The following DAB1 variants were observed in gnomAD, a reference collection of about 807,000 sequenced individuals.
The protein encoded by DAB1 is DAB adaptor protein 1, also known as disabled homolog 1.
In DAB1, 15 loss-of-function variants were observed where a neutral mutation model predicts 64.6. That is an observed-to-expected ratio of 0.23 (90% confidence interval 0.16 to 0.36). DAB1 has a LOEUF of 0.36. DAB1 is among the 10% of genes least tolerant of loss of function. DAB1 has a pLI of 1.00. For synonymous variants in DAB1, 235 were observed against 251.9 expected, an observed-to-expected ratio of 0.93 and a Z score of 0.64; for missense variants, 596 against 706.7, an observed-to-expected ratio of 0.84 and a Z score of 1.78.
upstream of DAB1, among the ~76,000 whole-genome samples, chr1:57,427,982 A>G (rs71642122): frequency 0.032 from 4,947 of 152,222 alleles, 88 homozygotes; most frequent in South Asian, 0.057. Flanking sequence ...AGCCTGACCA[A>G]CATGGTGAAA....
chr1:58,028,032 T>G (rs1570246822), intron 5 of DAB1, among the ~76,000 whole-genome samples: 1 of 152,238 alleles, frequency 6.6e-6, no homozygotes, highest in Non-Finnish European at 1.5e-5. Flanking sequence ...GGTAGCTCAT[T>G]TCTCTGAGCT....
intron 2 of DAB1, among the ~76,000 whole-genome samples, chr1:57,289,501 A>G (rs1672593473): frequency 6.6e-6 from 1 of 152,190 alleles, no homozygotes; most frequent in Non-Finnish European, 1.5e-5. Flanking sequence ...CAAGGTTTAC[A>G]TTAATTTTTA....
intron 1 of DAB1, chr1:58,533,935 T>A: frequency 1.2e-6 from 1 of 868,884 alleles, no homozygotes; most frequent in Non-Finnish European, 2.0e-6. Context: ...AACCTGAACA[T>A]TCATTTTAGG....
chr1:58,267,855 A>G (rs1569583817), intron 4 of DAB1, among the ~76,000 whole-genome samples: 1 of 152,212 alleles, frequency 6.6e-6, no homozygotes, highest in African/African-American at 2.4e-5. Context: ...CATCTGTTCC[A>G]AGAAACCTTG....
intron 5 of DAB1, among the ~76,000 whole-genome samples, chr1:58,064,986 A>G (rs558307459): frequency 2.6e-5 from 4 of 152,280 alleles, no homozygotes; most frequent in African/African-American, 9.6e-5. Flanking sequence ...CTGGGATTAC[A>G]AGCGTGAGCC....
At chr1:58,007,776 A>T (rs10157083) in intron 5 of DAB1, among the ~76,000 whole-genome samples, 20,032 of 152,150 alleles carry the variant, frequency 0.13, 1,538 homozygotes, top group East Asian at 0.21. Context: ...CTCCCAATGG[A>T]TCTAAATGAA....
chr1:58,165,724 G>A (rs1265124359), intron 4 of DAB1, among the ~76,000 whole-genome samples: 1 of 152,164 alleles, frequency 6.6e-6, no homozygotes, highest in Non-Finnish European at 1.5e-5. Flanking sequence ...AAATCCCAGA[G>A]TGGGCAGAGG....
At chr1:58,440,009 C>A (rs1644990308) in intron 3 of DAB1, among the ~76,000 whole-genome samples, 1 of 152,176 alleles carries the variant, frequency 6.6e-6, no homozygotes, top group Non-Finnish European at 1.5e-5. Context: ...CCTGGGAGAT[C>A]CTTGTCTTCC....
intron 5 of DAB1, among the ~76,000 whole-genome samples, chr1:57,933,355 T>C (rs905771687): frequency 6.8e-4 from 104 of 152,322 alleles, no homozygotes; most frequent in African/African-American, 2.3e-3. Flanking sequence ...TTGTTCAGCT[T>C]TTTACTTGTT....
intron 5 of DAB1, chr1:58,056,009 A>T: frequency 2.8e-6 from 2 of 717,726 alleles, no homozygotes; most frequent in Non-Finnish European, 2.4e-6. Context: ...CAGTGCTAAA[A>T]TTCCAGGTGT....
At chr1:58,121,873 CCTT>C (rs995778795) in intron 5 of DAB1, among the ~76,000 whole-genome samples, 53 of 152,232 alleles carry the variant, frequency 3.5e-4, no homozygotes, top group Middle Eastern at 3.4e-3. Context: ...CCTTTCCTTG[CCTT>C]CTTAAGTAGA....
At chr1:57,421,817 A>G (rs1488795078) in intron 1 of DAB1, among the ~76,000 whole-genome samples, 2 of 150,334 alleles carry the variant, frequency 1.3e-5, no homozygotes, top group Non-Finnish European at 3.0e-5. Flanking sequence ...CTCAATAGGA[A>G]ATCAAGAAAA....
intron 3 of DAB1, among the ~76,000 whole-genome samples, chr1:58,427,598 T>G (rs1411505233): frequency 6.6e-6 from 1 of 152,142 alleles, no homozygotes; most frequent in Non-Finnish European, 1.5e-5. Context: ...TGCTGGATTT[T>G]GGGTGTGAAA....
chr1:57,951,332 A>ATATATATATATATATAT (rs1491577001), intron 5 of DAB1, among the ~76,000 whole-genome samples: 1 of 127,712 alleles, frequency 7.8e-6, no homozygotes, highest in Non-Finnish European at 1.8e-5. Context: ...ATATATATAT[A>ATATATATATATATATAT]CTTCCCTGGA....
intron 4 of DAB1, among the ~76,000 whole-genome samples, chr1:58,167,219 T>C (rs1383028704): frequency 1.3e-5 from 2 of 152,222 alleles, no homozygotes; most frequent in African/African-American, 2.4e-5. Context: ...CTTTTGTGTC[T>C]AGCTAAAGGA....
At chr1:57,030,462 G>A (rs1479107310) in intron 9 of DAB1, among the ~76,000 whole-genome samples, 1 of 152,214 alleles carries the variant, frequency 6.6e-6, no homozygotes, top group Non-Finnish European at 1.5e-5. Context: ...GACCATCCAG[G>A]CAGAGGAAAC....
intron 1 of DAB1, among the ~76,000 whole-genome samples, chr1:57,396,159 A>G (rs1423891637): frequency 2.0e-5 from 3 of 152,212 alleles, no homozygotes; most frequent in Non-Finnish European, 4.4e-5. Flanking sequence ...GGGCTCTCAC[A>G]CACCATGCTG....
At chr1:57,049,019 A>G (rs1379788261) in intron 9 of DAB1, among the ~76,000 whole-genome samples, 1 of 152,188 alleles carries the variant, frequency 6.6e-6, no homozygotes, top group Non-Finnish European at 1.5e-5. Flanking sequence ...ATGACAGCTC[A>G]GTTTTTCAAC....
At chr1:57,085,021 A>G (rs1344648443) in intron 4 of DAB1, among the ~76,000 whole-genome samples, 1 of 152,214 alleles carries the variant, frequency 6.6e-6, no homozygotes, top group Admixed American at 6.5e-5. Context: ...AAAATGCACC[A>G]AACACCGTTC....
Sources: gnomAD v4.1 joint callset for allele counts (sites outside exome capture counted in the v4.1 genomes callset) on GRCh38, gnomAD v4.1.1 for gene constraint, MANE v1.5 for transcripts, NCBI Gene and HGNC (gene_info 2026-07-23, HGNC 2026-07-21) for gene names.